The following ADCY2 variants were observed in gnomAD, a reference collection of about 807,000 sequenced individuals.
The protein encoded by ADCY2 is adenylate cyclase 2, also known as adenylate cyclase type 2.
Under a neutral mutation model 125.2 loss-of-function variants are expected in ADCY2, and 31 were observed. The observed-to-expected ratio is 0.25, with a 90% CI of 0.19 to 0.33. ADCY2 has a LOEUF of 0.33. Among genes scored for constraint, ADCY2 ranks in the 10% least tolerant of loss-of-function variants. The pLI, the probability that ADCY2 is intolerant of heterozygous loss-of-function variation, is 1.00. For missense variants in ADCY2, 904 were observed against 1,418.2 expected (o/e 0.64, Z 5.82); for synonymous variants, 512 against 548.4 (o/e 0.93, Z 0.93).
chr5:7,501,638 TTCCCCCCTC>T (rs1305869747), intron 2 of ADCY2, among the ~76,000 whole-genome samples: 9 of 27,932 alleles, frequency 3.2e-4, no homozygotes, highest in African/African-American at 1.4e-3. Flanking sequence ...AAGAATGAGA[TTCCCCCCTC>T]CCCCCCCCCC....
chr5:7,566,573 T>C (rs1735899436), intron 3 of ADCY2, among the ~76,000 whole-genome samples: 1 of 152,160 alleles, frequency 6.6e-6, no homozygotes, highest in African/African-American at 2.4e-5. Context: ...TCCCAAACTC[T>C]GTTTCTTCTT....
chr5:7,699,339 C>T (rs1436088538), intron 7 of ADCY2, among the ~76,000 whole-genome samples: 6 of 151,564 alleles, frequency 4.0e-5, no homozygotes, highest in Non-Finnish European at 7.4e-5. Flanking sequence ...TCTCGTGATC[C>T]GCCCGCCTCG....
chr5:7,418,995 A>G (rs1230727465), intron 2 of ADCY2, among the ~76,000 whole-genome samples: 3 of 152,090 alleles, frequency 2.0e-5, no homozygotes, highest in East Asian at 1.9e-4. Context: ...ATACCCCTTA[A>G]TTAGCCATTA....
rs1283479187 is a variant in ADCY2 at position 7,622,106 on chromosome 5, C to G, written c.571-4061C>G. Among the ~76,000 whole-genome samples, 3 of 152,160 alleles carry G rather than the reference C, an allele frequency of 2.0e-5. No individual in the cohort carries two copies. In the East Asian group the frequency reaches 5.8e-4, roughly 29 times the overall value. ...ATCAAGATGGTATGATGTTATAAAA[C>G]AAACTCAACATTGTGGAAATAGGAT... On this transcript the variant is annotated intron_variant, in intron 3 of 24. Coordinates refer to ENST00000338316, the MANE Select transcript of ADCY2 (RefSeq NM_020546.3).
chr5:7,792,598 C>G (rs1425192738), intron 20 of ADCY2, among the ~76,000 whole-genome samples: 1 of 152,102 alleles, frequency 6.6e-6, no homozygotes, highest in African/African-American at 2.4e-5. Flanking sequence ...CTGGGCCAGA[C>G]CTCCAGGAGT....
At chr5:7,509,059 TTAA>T (rs1050111584) in intron 2 of ADCY2, among the ~76,000 whole-genome samples, 5 of 152,118 alleles carry the variant, frequency 3.3e-5, no homozygotes, top group Non-Finnish European at 5.9e-5. Context: ...GATCCTGAAG[TTAA>T]TAATGTTTGT....
At chr5:7,503,528 A>G (rs1743676038) in intron 2 of ADCY2, among the ~76,000 whole-genome samples, 2 of 152,230 alleles carry the variant, frequency 1.3e-5, no homozygotes, top group Middle Eastern at 3.2e-3. Context: ...GAGCATAGGG[A>G]CAAGAAAGCT....
rs114025931 is a variant in ADCY2, at chr5:7,728,519, A to G, written c.1871+1258A>G. Among the ~76,000 whole-genome samples the G allele has an allele frequency of 2.2e-3, 332 of 152,318 alleles. 3 individuals carry two copies. Among genetic ancestry groups the G allele is most frequent in the African/African-American group, 7.6e-3 (316 of 41,566 alleles). On this transcript the variant is annotated intron_variant, in intron 14 of 24. Transcript: ENST00000338316. ...ACAGAATCTTCAGTGAAATTTCCCAATGTTAACATTATCAGTTTTCCATTC... is the reference window on the plus strand; with the variant it reads ...ACAGAATCTTCAGTGAAATTTCCCAGTGTTAACATTATCAGTTTTCCATTC...
chr5:7,645,969 A>G (rs1738881313), intron 4 of ADCY2, among the ~76,000 whole-genome samples: 1 of 152,238 alleles, frequency 6.6e-6, no homozygotes, highest in African/African-American at 2.4e-5. Context: ...GCGAAGTCAA[A>G]CTACTGTTTG....
chr5:7,606,792 G>C (rs1168491124), intron 3 of ADCY2, among the ~76,000 whole-genome samples: 2 of 152,262 alleles, frequency 1.3e-5, no homozygotes, highest in East Asian at 1.9e-4. Flanking sequence ...GGAATGAAAG[G>C]TATACATACA....
chr5:7,672,034 A>G (rs1739954905), intron 4 of ADCY2, among the ~76,000 whole-genome samples: 1 of 152,104 alleles, frequency 6.6e-6, no homozygotes, highest in South Asian at 2.1e-4. Flanking sequence ...TCTCAGTAGC[A>G]AGCAGTCACC....
chr5:7,584,747 A>G (rs1736567249), intron 3 of ADCY2, among the ~76,000 whole-genome samples: 1 of 152,168 alleles, frequency 6.6e-6, no homozygotes, highest in African/African-American at 2.4e-5. Context: ...TCATATCTTC[A>G]TTTATGGAGA....
At chr5:7,504,332 A>G (rs995440779) in intron 2 of ADCY2, among the ~76,000 whole-genome samples, 1 of 152,214 alleles carries the variant, frequency 6.6e-6, no homozygotes. Flanking sequence ...AGAATCTAGA[A>G]CACAATATTC....
intron 19 of ADCY2, among the ~76,000 whole-genome samples, chr5:7,789,384 A>G (rs1434851990): frequency 6.6e-6 from 1 of 152,192 alleles, no homozygotes; most frequent in African/African-American, 2.4e-5. Flanking sequence ...GGAAGCTTTA[A>G]TGGCGCTTTG....
intron 12 of ADCY2, among the ~76,000 whole-genome samples, chr5:7,723,943 A>AAAAAAAAAAAAAAG (rs778086811): frequency 1.4e-5 from 2 of 143,902 alleles, no homozygotes; most frequent in African/African-American, 5.1e-5. Flanking sequence ...AAAAAAAAAA[A>AAAAAAAAAAAAAAG]AGAGAAAAGA....
chr5:7,652,865 G>A (rs1739145357), intron 4 of ADCY2, among the ~76,000 whole-genome samples: 1 of 152,090 alleles, frequency 6.6e-6, no homozygotes, highest in South Asian at 2.1e-4. Context: ...ACACTGACCT[G>A]TCACTATTAC....
Position 7,626,170 on chromosome 5 carries a change from C to G in ADCY2, c.574C>G (p.Leu192Val). 6.2e-7 allele frequency: 1 copy of G among 1,612,774 alleles called. No individual in the cohort carries two copies. The highest frequency in any genetic ancestry group is 2.2e-5 in the East Asian group (1 of 44,850). The part of the protein sequence containing the change: ...GGKEHLVWQI[L>V]ANVIIFICGN... Reference sequence around the variant, plus strand: ...GCAGCTCTTTCTGTCTCTTTAGATCCTGGCCAATGTGATCATTTTCATCTG... The same window carrying G: ...GCAGCTCTTTCTGTCTCTTTAGATCGTGGCCAATGTGATCATTTTCATCTG... Residue 192 changes from leucine to valine, a missense_variant, in exon 4 of 25, where the codon CTG becomes GTG. This residue lies in a region of ADCY2 where 121 missense variants were observed against 161.5 expected (regional missense o/e 0.75). Transcript: ENST00000338316.
intron 18 of ADCY2, among the ~76,000 whole-genome samples, chr5:7,783,116 C>G (rs1456023810): frequency 3.3e-5 from 5 of 152,282 alleles, no homozygotes; most frequent in African/African-American, 1.2e-4. Context: ...TTTCCTCATT[C>G]CTGCAGGAAT....
At chr5:7,466,203 T>C (rs1450671617) in intron 2 of ADCY2, among the ~76,000 whole-genome samples, 3 of 152,214 alleles carry the variant, frequency 2.0e-5, no homozygotes, top group Non-Finnish European at 2.9e-5. Flanking sequence ...CCATATCTTA[T>C]ATATTTTTTT....
Sources: gnomAD v4.1 joint callset for allele counts (sites outside exome capture counted in the v4.1 genomes callset) on GRCh38, gnomAD v4.1.1 for gene constraint, gnomAD v4.1.1 regional missense constraint, MANE v1.5 for transcripts, NCBI Gene and HGNC (gene_info 2026-07-23, HGNC 2026-07-21) for gene names.